Variants in PDE4D observed in about 807,000 individuals in gnomAD.
PDE4D encodes phosphodiesterase 4D, also known as 3',5'-cyclic-AMP phosphodiesterase 4D.
In PDE4D, 24 loss-of-function variants were observed where a neutral mutation model predicts 87.4. The ratio of observed to expected loss-of-function variants is 0.27; its 90% CI spans 0.20 to 0.39. The LOEUF (loss-of-function observed/expected upper bound fraction) is 0.39, where lower values mean the gene tolerates loss of function less well. Among genes scored for constraint, PDE4D ranks in the 10% least tolerant of loss-of-function variants. The pLI is 1.00. For missense variants in PDE4D, 714 were observed against 1,041.0 expected, an observed-to-expected ratio of 0.69 and a Z score of 4.32; for synonymous variants, 384 against 383.2, an observed-to-expected ratio of 1.00 and a Z score of -0.02.
intron 1 of PDE4D, among the ~76,000 whole-genome samples, chr5:59,705,394 A>G (rs924503108): frequency 3.3e-5 from 5 of 152,160 alleles, no homozygotes; most frequent in East Asian, 1.9e-4. Flanking sequence ...AATTGTAAAG[A>G]TAAATTTAAA....
rs183481381 is a variant in PDE4D, at chr5:59,498,129, G to T, written c.456-282161C>A. 7.3e-5 allele frequency among the ~76,000 whole-genome samples: 11 copies of T among 151,554 alleles called. No individual in the cohort carries two copies. The East Asian group carries it at 1.6e-3, about 21-fold the overall frequency. On this transcript the variant is annotated intron_variant, in intron 1 of 14. Coordinates refer to ENST00000340635, the MANE Select transcript of PDE4D (RefSeq NM_001104631.2). ...TTTCTCAGATAAGCAATTGCTAAAAGAATCCATCACCACCACACTAGACCT... is the reference window on the plus strand; with the variant it reads ...TTTCTCAGATAAGCAATTGCTAAAATAATCCATCACCACCACACTAGACCT...
intron 2 of PDE4D, among the ~76,000 whole-genome samples, chr5:60,071,904 T>C (rs1772761015): frequency 6.6e-6 from 1 of 152,206 alleles, no homozygotes; most frequent in African/African-American, 2.4e-5. Context: ...CCACAATTTA[T>C]TTACTCAGTT....
intron 2 of PDE4D, among the ~76,000 whole-genome samples, chr5:60,063,173 A>AG (rs1771673726): frequency 6.6e-6 from 1 of 151,642 alleles, no homozygotes; most frequent in Non-Finnish European, 1.5e-5. Flanking sequence ...AAAGAAAGAA[A>AG]AAGAGAAAGA....
At chr5:59,351,312 C>T (rs974066721) in intron 1 of PDE4D, among the ~76,000 whole-genome samples, 2 of 152,172 alleles carry the variant, frequency 1.3e-5, no homozygotes, top group Non-Finnish European at 2.9e-5. Context: ...TACCATGCTA[C>T]CTCTTCCTAC....
intron 1 of PDE4D, among the ~76,000 whole-genome samples, chr5:60,442,934 G>A (rs1007468011): frequency 6.6e-5 from 10 of 152,104 alleles, no homozygotes; most frequent in Non-Finnish European, 1.5e-4. Context: ...CTGAACATAG[G>A]AAAGAGGCCT....
intron 1 of PDE4D, among the ~76,000 whole-genome samples, chr5:59,457,132 A>T (rs551028176): frequency 9.8e-5 from 15 of 152,376 alleles, no homozygotes; most frequent in Middle Eastern, 3.4e-3. Flanking sequence ...AGTATATTAC[A>T]TGTTGCAGAG....
chr5:59,984,871 G>A (rs1157429462), intron 3 of PDE4D, among the ~76,000 whole-genome samples: 1 of 152,090 alleles, frequency 6.6e-6, no homozygotes, highest in African/African-American at 2.4e-5. Flanking sequence ...AAGAAAGAAA[G>A]GAAAATAAAT....
At chr5:59,097,452 T>A (rs1367159181) in intron 5 of PDE4D, among the ~76,000 whole-genome samples, 4 of 152,132 alleles carry the variant, frequency 2.6e-5, no homozygotes, top group African/African-American at 9.7e-5. Flanking sequence ...CACAAAAATC[T>A]CATCCCTTCT....
At chr5:60,105,214 T>C (rs898029265) in intron 2 of PDE4D, among the ~76,000 whole-genome samples, 16 of 152,150 alleles carry the variant, frequency 1.1e-4, no homozygotes, top group Admixed American at 5.2e-4. Context: ...ACGTGAAGAA[T>C]GCAGAAGCCT....
chr5:59,873,717 G>A (rs976386606), intron 1 of PDE4D, among the ~76,000 whole-genome samples: 6 of 152,100 alleles, frequency 3.9e-5, no homozygotes, highest in East Asian at 1.9e-4. Flanking sequence ...TACTCTATAC[G>A]ATGATAGAAT....
At chr5:59,532,659 G>A (rs1261655119) in intron 1 of PDE4D, among the ~76,000 whole-genome samples, 1 of 152,096 alleles carries the variant, frequency 6.6e-6, no homozygotes, top group African/African-American at 2.4e-5. Context: ...AAAAATTTAA[G>A]TTTCTTTGAG....
At chr5:60,373,384 A>G (rs1228805403) in intron 1 of PDE4D, among the ~76,000 whole-genome samples, 1 of 152,150 alleles carries the variant, frequency 6.6e-6, no homozygotes, top group Non-Finnish European at 1.5e-5. Flanking sequence ...CAACCAGGCT[A>G]GTCTCCTTCA....
intron 2 of PDE4D, among the ~76,000 whole-genome samples, chr5:60,075,357 A>C (rs1285947009): frequency 6.6e-6 from 1 of 152,206 alleles, no homozygotes; most frequent in African/African-American, 2.4e-5. Context: ...TCTGGCTGGT[A>C]GAGTTTCCGC....
chr5:59,721,549 A>C (rs553458437), intron 1 of PDE4D, among the ~76,000 whole-genome samples: 1 of 152,284 alleles, frequency 6.6e-6, no homozygotes, highest in Non-Finnish European at 1.5e-5. Context: ...TCCATTTTAC[A>C]TATAGGAAAA....
intron 1 of PDE4D, among the ~76,000 whole-genome samples, chr5:60,223,810 A>G (rs1341360679): frequency 1.3e-5 from 2 of 152,126 alleles, no homozygotes; most frequent in East Asian, 3.9e-4. Context: ...TCATTTTTCT[A>G]TTACTATTCT....
rs962947474 is a variant in PDE4D at position 59,421,982 on chromosome 5, T to C, written c.456-206014A>G. Among the ~76,000 whole-genome samples the C allele has an allele frequency of 3.9e-5, 6 of 152,266 alleles. No individual in the cohort carries two copies. In the South Asian group the frequency reaches 6.2e-4, roughly 16 times the overall value. ...CAACCTTGTTTCCATGGTCCTATGA[T>C]TGAACGTGGGAGGAAGCCCTTAGGC... On this transcript the variant is annotated intron_variant, in intron 1 of 14. Transcript: ENST00000340635.
chr5:59,841,477 C>T (rs1017880549), intron 1 of PDE4D, among the ~76,000 whole-genome samples: 2 of 152,144 alleles, frequency 1.3e-5, no homozygotes, highest in East Asian at 1.9e-4. Flanking sequence ...TCCTAATGCT[C>T]AGGCAGGTAG....
chr5:59,902,594 C>T (rs1414184571), intron 3 of PDE4D, among the ~76,000 whole-genome samples: 1 of 152,082 alleles, frequency 6.6e-6, no homozygotes, highest in East Asian at 1.9e-4. Flanking sequence ...GATAATATTG[C>T]AGTTCATATA....
intron 1 of PDE4D, among the ~76,000 whole-genome samples, chr5:59,286,085 T>C (rs953817768): frequency 1.3e-5 from 2 of 152,148 alleles, no homozygotes; most frequent in African/African-American, 4.8e-5. Flanking sequence ...AGACTGTATA[T>C]CCATGTACTG....
Sources: allele counts gnomAD v4.1 joint callset (sites outside exome capture counted in the v4.1 genomes callset), GRCh38; gene constraint gnomAD v4.1.1; transcripts MANE v1.5; gene names NCBI Gene and HGNC (gene_info 2026-07-23, HGNC 2026-07-21).